The following EPS15L1 variants were observed in gnomAD, a reference collection of about 807,000 sequenced individuals.
EPS15L1 encodes epidermal growth factor receptor substrate 15-like 1.
EPS15L1 carries 43 observed loss-of-function variants against 117.1 expected under a neutral mutation model. The observed-to-expected ratio is 0.37, with a 90% CI of 0.29 to 0.47. The LOEUF (loss-of-function observed/expected upper bound fraction) is 0.47, where lower values mean the gene tolerates loss of function less well. Among genes scored for constraint, EPS15L1 ranks in the 20% least tolerant of loss-of-function variants. EPS15L1 has a pLI of 0.99. For missense variants in EPS15L1, 981 were observed against 1,164.0 expected, an observed-to-expected ratio of 0.84 and a Z score of 2.29; for synonymous variants, 459 against 470.5, an observed-to-expected ratio of 0.98 and a Z score of 0.32.
intron 16 of EPS15L1, among the ~76,000 whole-genome samples, chr19:16,397,369 C>T (rs567075616): frequency 2.6e-5 from 4 of 152,266 alleles, no homozygotes; most frequent in East Asian, 3.9e-4. Context: ...GGATTACAGG[C>T]GTGAGCCACC....
In EPS15L1 at chr19:16,355,482, A is replaced by G; in HGVS notation, c.*223T>C. On this transcript the variant is annotated 3_prime_UTR_variant, in exon 24 of 24. Transcript: ENST00000455140. ...AGCCCCGGGGGGGATGGCACAGTGG[A>G]GAGACGGACCTGCAGAAGTGGTGGC... 1 of 549,138 alleles carries G rather than the reference A, an allele frequency of 1.8e-6. No homozygotes were observed. Among genetic ancestry groups the G allele is most frequent in the Admixed American group, 3.2e-5 (1 of 31,524 alleles). 34.0% of individuals were successfully genotyped at this position (549,138 alleles called of 1,614,324 possible). A position where few individuals can be genotyped will look rare whatever the true frequency, so the allele number is the denominator to read the frequency against.
chr19:16,411,747 T>G (rs890369855), intron 13 of EPS15L1, among the ~76,000 whole-genome samples: 60 of 152,334 alleles, frequency 3.9e-4, no homozygotes, highest in African/African-American at 1.4e-3. Context: ...TTGCCCAGGG[T>G]GGAGTGCAGT....
intron 3 of EPS15L1, chr19:16,441,663 A>G (rs1000850168): frequency 8.1e-6 from 3 of 371,800 alleles, no homozygotes; most frequent in South Asian, 7.9e-5. Flanking sequence ...TCCACAAGCT[A>G]TCAAGACCCC....
At chr19:16,427,951 C>T (rs2092888715) in intron 8 of EPS15L1, among the ~76,000 whole-genome samples, 1 of 150,554 alleles carries the variant, frequency 6.6e-6, no homozygotes, top group Non-Finnish European at 1.5e-5. Context: ...CGCCTGTAAT[C>T]CCAGCACTTT....
At chr19:16,373,516 C>T (rs1401411832) in intron 22 of EPS15L1, among the ~76,000 whole-genome samples, 1 of 151,982 alleles carries the variant, frequency 6.6e-6, no homozygotes, top group Non-Finnish European at 1.5e-5. Context: ...ATTAGCTTCA[C>T]TATCTTCTGT....
At chr19:16,416,304 C>T (rs903616927) in intron 12 of EPS15L1, among the ~76,000 whole-genome samples, 2 of 152,082 alleles carry the variant, frequency 1.3e-5, no homozygotes, top group Non-Finnish European at 2.9e-5. Flanking sequence ...CATGGTGCCC[C>T]GTCATCACAA....
intron 16 of EPS15L1, among the ~76,000 whole-genome samples, chr19:16,399,681 GTTTTT>G (rs5827337): frequency 7.2e-6 from 1 of 139,506 alleles, no homozygotes; most frequent in African/African-American, 2.6e-5. Flanking sequence ...GCTTTTTGGG[GTTTTT>G]TTTTTTTTTT....
Position 16,441,970 on chromosome 19 carries a change from T to A in EPS15L1, c.87A>T (p.Ala29=). Residue 29 remains alanine (A), a synonymous_variant, in exon 3 of 24, where the codon GCA becomes GCT. Coordinates refer to ENST00000455140, the MANE Select transcript of EPS15L1 (RefSeq NM_001258374.3). ...CACTCGCCCCCACCCTCCCTGTGTA[T>A]GCCGGATCGACCTGAAATGGGAGAC... ...YESYYKQVDP[A]YTGRVGASEA... The A allele has an allele frequency of 6.2e-7, 1 of 1,613,504 alleles. No individual in the cohort carries two copies. The highest frequency in any genetic ancestry group is 8.5e-7 in the Non-Finnish European group (1 of 1,179,786).
chr19:16,385,259 A>G (rs1599557772), intron 20 of EPS15L1, 48 bp from the exon 21 acceptor site: 2 of 1,511,964 alleles, frequency 1.3e-6, no homozygotes, highest in Non-Finnish European at 9.2e-7. Flanking sequence ...TTAAGAGAAC[A>G]TGCCTTCTGG....
chr19:16,377,095 G>A (rs1599544731), intron 22 of EPS15L1, 27 bp downstream of exon 22: 1 of 1,575,926 alleles, frequency 6.3e-7, no homozygotes, highest in Non-Finnish European at 8.6e-7. Flanking sequence ...GGTAGGCGGT[G>A]GCTGCGAGAG....
intron 10 of EPS15L1, 76 bp from the exon 11 acceptor site, chr19:16,418,180 C>T (rs2092778929): frequency 1.3e-6 from 2 of 1,487,328 alleles, no homozygotes; most frequent in East Asian, 2.3e-5. Context: ...CGATCCCTTG[C>T]TTTTCAAAAA....
chr19:16,376,831 A>T (rs1599544112), intron 22 of EPS15L1, among the ~76,000 whole-genome samples: 1 of 152,232 alleles, frequency 6.6e-6, no homozygotes, highest in Non-Finnish European at 1.5e-5. Flanking sequence ...GGCCGCACGA[A>T]GCGCCCCCAG....
chr19:16,419,369 G>T (rs2092792619), intron 10 of EPS15L1, among the ~76,000 whole-genome samples: 1 of 152,146 alleles, frequency 6.6e-6, no homozygotes, highest in Admixed American at 6.5e-5. Flanking sequence ...TGAGGCACGA[G>T]AATCACTTGA....
chr19:16,361,496 TA>T, intron 23 of EPS15L1: 1 of 911,300 alleles, frequency 1.1e-6, no homozygotes. Context: ...TCAGAAATAA[TA>T]CAATGAATCT....
At chr19:16,419,291 T>C (rs1003833194) in intron 10 of EPS15L1, among the ~76,000 whole-genome samples, 1 of 152,102 alleles carries the variant, frequency 6.6e-6, no homozygotes, top group African/African-American at 2.4e-5. Context: ...AAATCCCGCC[T>C]CTACTAAAAA....
At position 16,417,644 on chromosome 19, in the gene EPS15L1, T is replaced by C. The variant is rs1020322728; in HGVS notation, c.1108-7A>G. On this transcript the variant is annotated splice_polypyrimidine_tract_variant and splice_region_variant and intron_variant, in intron 11 of 23. Transcript: ENST00000455140. ...CGAGAGAGCCTGAACTGTCCTAGAA[T>C]TGAATTCAGAGGCGAGATCTCTAAT... The C allele has an allele frequency of 6.2e-7, 1 of 1,613,376 alleles. No individual in the cohort carries two copies. The highest frequency in any genetic ancestry group is 1.3e-5 in the African/African-American group (1 of 74,886).
intron 6 of EPS15L1, among the ~76,000 whole-genome samples, chr19:16,436,283 T>C (rs1280255484): frequency 2.0e-5 from 3 of 152,196 alleles, no homozygotes; most frequent in African/African-American, 7.2e-5. Flanking sequence ...AGTCTGAAAG[T>C]GAAGGGAAGG....
chr19:16,401,068 A>G (rs1456110211), intron 16 of EPS15L1: 1 of 985,048 alleles, frequency 1.0e-6, no homozygotes, highest in East Asian at 1.1e-4. Context: ...CTCGTAACTC[A>G]TGAAGGATGA....
At chr19:16,372,216 G>C (rs2092234662) in intron 22 of EPS15L1, among the ~76,000 whole-genome samples, 1 of 152,184 alleles carries the variant, frequency 6.6e-6, no homozygotes, top group African/African-American at 2.4e-5. Context: ...GCTGTGACCG[G>C]AACTCTCCCT....
Sources: gnomAD v4.1 joint callset for allele counts (sites outside exome capture counted in the v4.1 genomes callset) on GRCh38, gnomAD v4.1.1 for gene constraint, MANE v1.5 for transcripts, NCBI Gene and HGNC (gene_info 2026-07-23, HGNC 2026-07-21) for gene names.